PALD1: variants seen among roughly 807,000 people sequenced by gnomAD.
The protein encoded by PALD1 is phosphatase domain containing paladin 1, also known as paladin.
In PALD1, 57 loss-of-function variants were observed where a neutral mutation model predicts 96.0. That is an observed-to-expected ratio of 0.59 (90% CI 0.48 to 0.74). The LOEUF (loss-of-function observed/expected upper bound fraction) is 0.74. Ranked by LOEUF, PALD1 falls within the 30% of genes least tolerant of loss-of-function variation. The pLI is 0.00. For missense variants in PALD1, 1,063 were observed against 1,143.7 expected (o/e 0.93, Z 1.02); for synonymous variants, 464 against 473.6 (o/e 0.98, Z 0.26).
intron 1 of PALD1, among the ~76,000 whole-genome samples, chr10:70,481,252 A>T (rs1845926521): frequency 6.6e-6 from 1 of 152,244 alleles, no homozygotes; most frequent in South Asian, 2.1e-4. Flanking sequence ...CGGACAGCAG[A>T]GGCCAGGAAC....
At chr10:70,535,447 C>T in intron 10 of PALD1, among the ~76,000 whole-genome samples, 1 of 115,786 alleles carries the variant, frequency 8.6e-6, no homozygotes, top group African/African-American at 3.3e-5. Flanking sequence ...CCGCTTCCTC[C>T]TTCCCCCTCT....
Position 70,539,385 on chromosome 10 carries a change from C to A in PALD1, c.1725+138C>A. On this transcript the variant is annotated intron_variant, in intron 14 of 19. Transcript: ENST00000263563. The surrounding 1 kb of genome is among the most constrained non-coding windows in gnomAD (Gnocchi z 4.5). ...CGGGAGGAGCAGTGTCAGGGAGTGG[C>A]CAACTCAGGATTCCCACTAAAGTGC... The A allele has an allele frequency of 9.4e-7, 1 of 1,069,386 alleles. No individual in the cohort carries two copies. Among genetic ancestry groups the A allele is most frequent in the Non-Finnish European group, 1.3e-6 (1 of 760,768 alleles). The allele number at this position is 1,069,386 out of a possible 1,614,324, so 66.2% of individuals were successfully genotyped here.
intron 1 of PALD1, among the ~76,000 whole-genome samples, chr10:70,516,795 G>A (rs895329849): frequency 6.6e-6 from 1 of 152,062 alleles, no homozygotes; most frequent in African/African-American, 2.4e-5. Context: ...CTGGGCTCAA[G>A]CAATCCTCCT....
rs1490327017 is a variant in PALD1 at position 70,481,379 on chromosome 10, G to A, written c.-30+2320G>A. ...TGTTTGGGGTGGTGATGGTACAGGT[G>A]CTCTGTGGTGGAGCTTATTTCTAGA... On this transcript the variant is annotated intron_variant, in intron 1 of 19. Transcript: ENST00000263563. Among the ~76,000 whole-genome samples the A allele has an allele frequency of 2.6e-5, 4 of 152,200 alleles. No homozygotes were observed. The East Asian group carries it at 5.8e-4, about 22-fold the overall frequency.
rs1401503278 is a variant in PALD1, at chr10:70,565,255, A to G, written c.2418+736A>G. Among the ~76,000 whole-genome samples, 3 of 152,146 alleles carry G rather than the reference A, an allele frequency of 2.0e-5. No individual in the cohort carries two copies. In the East Asian group the frequency reaches 5.8e-4, roughly 29 times the overall value. ...AGAGCCCACTGTATCCTGACCTAAG[A>G]CACCTCCCTTGCTGTCCGGCCTCCT... On this transcript the variant is annotated intron_variant, in intron 19 of 19. Transcript: ENST00000263563.
intron 19 of PALD1, among the ~76,000 whole-genome samples, chr10:70,566,323 C>T (rs1360787519): frequency 2.0e-5 from 3 of 152,220 alleles, no homozygotes; most frequent in Non-Finnish European, 2.9e-5. Context: ...TGGCCTCCCT[C>T]GCTGCTATCT....
rs545654427 is a variant in PALD1, at chr10:70,525,929, G to A, written c.-23G>A. 3 of 1,613,086 alleles carry A rather than the reference G, an allele frequency of 1.9e-6. No individual in the cohort carries two copies. Among genetic ancestry groups the A allele is most frequent in the Non-Finnish European group, 2.5e-6 (3 of 1,179,672 alleles). On this transcript the variant is annotated 5_prime_UTR_variant, in exon 2 of 20. Transcript: ENST00000263563. ...ACACCCTCTTATCCTACAGGTCTGG[G>A]GTCCTGAGGCTGCTGGCAGACTATG...
chr10:70,552,313 G>A (rs952817331), intron 18 of PALD1, among the ~76,000 whole-genome samples: 2 of 152,302 alleles, frequency 1.3e-5, no homozygotes, highest in South Asian at 2.1e-4. Flanking sequence ...TGTAGCACGC[G>A]CGGCCCTTCA....
chr10:70,552,351 G>A (rs1847499493), intron 18 of PALD1, among the ~76,000 whole-genome samples: 1 of 152,180 alleles, frequency 6.6e-6, no homozygotes, highest in African/African-American at 2.4e-5. Context: ...TTCTGGGATG[G>A]GGGGTGATGT....
the PALD1 span, among the ~76,000 whole-genome samples, chr10:70,464,305 G>T: frequency 6.8e-6 from 1 of 146,428 alleles, no homozygotes; most frequent in African/African-American, 2.5e-5. Flanking sequence ...TCTACCTCCC[G>T]GGTTCAAGCA....
chr10:70,538,841 T>C (rs1248546817), intron 12 of PALD1, 51 bp from the exon 13 acceptor site: 3 of 1,509,900 alleles, frequency 2.0e-6, no homozygotes, highest in South Asian at 1.1e-5. Flanking sequence ...TGACCCTTTC[T>C]GCGGCTACAG....
At chr10:70,507,415 AAAAC>A (rs916158530) in intron 1 of PALD1, among the ~76,000 whole-genome samples, 197 of 152,304 alleles carry the variant, frequency 1.3e-3, no homozygotes, top group African/African-American at 3.8e-3. Context: ...TCTGTCTCAA[AAAAC>A]AAACAAACAA....
At chr10:70,561,490 C>G (rs1589221946) in intron 18 of PALD1, among the ~76,000 whole-genome samples, 2 of 152,190 alleles carry the variant, frequency 1.3e-5, no homozygotes, top group Admixed American at 1.3e-4. Context: ...TCCATCCTTG[C>G]AGATAGGTGG....
In PALD1 at chr10:70,539,532, C is replaced by T; in HGVS notation, c.1726-48C>T. On this transcript the variant is annotated intron_variant, in intron 14 of 19. Transcript: ENST00000263563. This position sits in a 1 kb window ranked among gnomAD's most constrained non-coding sequence, Gnocchi z 4.5. ...CAGGCTGTGGCCTTTCAGGGCTAGC[C>T]TAGAGCCTGCCCCAGTGGCCTGTGT... 6.6e-7 allele frequency: 1 copy of T among 1,516,638 alleles called. No homozygotes were observed. Among genetic ancestry groups the T allele is most frequent in the Non-Finnish European group, 8.9e-7 (1 of 1,120,920 alleles). 93.9% of individuals were successfully genotyped at this position (1,516,638 alleles called of 1,614,324 possible).
At chr10:70,475,138 G>A (rs1845806448), upstream of PALD1, among the ~76,000 whole-genome samples, 1 of 152,210 alleles carries the variant, frequency 6.6e-6, no homozygotes, top group South Asian at 2.1e-4. Flanking sequence ...CAAATGAGGA[G>A]ACTTGGAGCA....
intron 2 of PALD1, among the ~76,000 whole-genome samples, chr10:70,528,425 C>A (rs542862949): frequency 0.013 from 1,976 of 152,310 alleles, 46 homozygotes; most frequent in African/African-American, 0.045. Flanking sequence ...CACTTACAAT[C>A]ATTAGCACAT....
rs372631259 is a variant in PALD1 at position 70,494,426 on chromosome 10, A to G, written c.-30+15367A>G. On this transcript the variant is annotated intron_variant, in intron 1 of 19. Transcript: ENST00000263563. ...ACAGGAAGAGAGAATGCATGAGCCC[A>G]TTTTATAGATGAGAAAATGATCCTC... is the stretch of plus-strand genomic sequence containing the variant. 1.3e-3 allele frequency among the ~76,000 whole-genome samples: 195 copies of G among 152,324 alleles called. 2 individuals carry two copies. The highest frequency in any genetic ancestry group is 4.6e-3 in the African/African-American group (192 of 41,572).
chr10:70,538,885 C>T lies in PALD1; in HGVS notation c.1453-7C>T. 6.2e-7 allele frequency: 1 copy of T among 1,611,678 alleles called. No homozygotes were observed. The highest frequency in any genetic ancestry group is 8.5e-7 in the Non-Finnish European group (1 of 1,178,476). ...TGTGGGTCCCAGGCTTGGTGCTCTC[C>T]CCACAGCGGGAGGACGATCTGGTCT... On this transcript the variant is annotated splice_polypyrimidine_tract_variant and splice_region_variant and intron_variant, in intron 12 of 19. Coordinates refer to ENST00000263563, the MANE Select transcript of PALD1 (RefSeq NM_014431.3).
At chr10:70,469,599 G>T in the PALD1 span, among the ~76,000 whole-genome samples, 4 of 152,260 alleles carry the variant, frequency 2.6e-5, no homozygotes, top group East Asian at 7.7e-4. Context: ...GTGCCTGCAA[G>T]ATGCAAAGGG....
Sources: allele counts gnomAD v4.1 joint callset (sites outside exome capture counted in the v4.1 genomes callset), GRCh38; gene constraint gnomAD v4.1.1; non-coding constraint Gnocchi (gnomAD v3.1); transcripts MANE v1.5; gene names NCBI Gene and HGNC (gene_info 2026-07-23, HGNC 2026-07-21).